Variants in SUPV3L1 observed in about 807,000 individuals in gnomAD.
SUPV3L1 encodes the protein ATP-dependent RNA helicase SUPV3L1, mitochondrial.
SUPV3L1 carries 35 observed loss-of-function variants against 70.0 expected under a neutral mutation model. The ratio of observed to expected loss-of-function variants is 0.50; its 90% confidence interval spans 0.38 to 0.66. The LOEUF (loss-of-function observed/expected upper bound fraction) is 0.66, where lower values mean the gene tolerates loss of function less well. Among genes scored for constraint, SUPV3L1 ranks in the 30% least tolerant of loss-of-function variants. The probability of loss-of-function intolerance (pLI) is 0.00; values close to 1 mark genes in which losing one functional copy is unlikely to be tolerated. For synonymous variants in SUPV3L1, 364 were observed against 341.9 expected (o/e 1.06, Z -0.71); for missense variants, 777 against 961.5 (o/e 0.81, Z 2.54).
Position 69,191,767 on chromosome 10 carries a change from G to A in SUPV3L1, c.853+1G>A, listed in dbSNP as rs745573670. On this transcript the variant is annotated splice_donor_variant, in intron 6 of 14. Coordinates refer to ENST00000359655, the MANE Select transcript of SUPV3L1 (RefSeq NM_003171.5). LOFTEE classifies it high-confidence loss of function. ...GAGATGTGCAGTGTTACAACTCCTT[G>A]TATGTATATGCTGTTTAAGAAACTA... 1 of 1,598,010 alleles carries A rather than the reference G, an allele frequency of 6.3e-7. No individual in the cohort carries two copies. The highest frequency in any genetic ancestry group is 1.1e-5 in the South Asian group (1 of 90,376).
At chr10:69,207,648 A>C in intron 13 of SUPV3L1, 145 bp from the exon 14 acceptor site, 1 of 924,910 alleles carries the variant, frequency 1.1e-6, no homozygotes, top group Non-Finnish European at 1.6e-6. Context: ...TAAAATGTAG[A>C]AGAGTATAAA....
At chr10:69,203,994 G>C (rs1373276109) in intron 13 of SUPV3L1, among the ~76,000 whole-genome samples, 1 of 151,972 alleles carries the variant, frequency 6.6e-6, no homozygotes, top group African/African-American at 2.4e-5. Context: ...CAAAGTGCTG[G>C]GATTACAGGC....
In SUPV3L1 at chr10:69,180,545, C is replaced by T. The variant is rs773629662; in HGVS notation, c.254C>T (p.Thr85Ile). 1.2e-6 allele frequency: 2 copies of T among 1,614,100 alleles called. No individual in the cohort carries two copies. The highest frequency in any genetic ancestry group is 1.7e-6 in the Non-Finnish European group (2 of 1,180,036). ...SADGDVGAEL[T>I]RPLDKNEVKK... Reference sequence around the variant, plus strand: ...GACGGCGACGTCGGGGCCGAGCTAACCCGGCCTCTGGACAAGAGTGAGTGC... The same window carrying T: ...GACGGCGACGTCGGGGCCGAGCTAATCCGGCCTCTGGACAAGAGTGAGTGC... The change falls in exon 1 of 15, where the codon ACC (threonine) becomes ATC (isoleucine). Residue 85 changes from threonine (T) to isoleucine (I), a missense_variant. By Grantham distance (89) the Thr-to-Ile change is moderately conservative. Transcript: ENST00000359655.
chr10:69,191,605 G>T (rs372333484), intron 5 of SUPV3L1, 50 bp from the exon 6 acceptor site: 1 of 1,507,366 alleles, frequency 6.6e-7, no homozygotes, highest in Non-Finnish European at 9.2e-7. Context: ...TATCCAAAAC[G>T]TATTTTTGCA....
intron 6 of SUPV3L1, 83 bp downstream of exon 6, chr10:69,191,849 C>G (rs1670028579): frequency 1.9e-6 from 2 of 1,048,892 alleles, no homozygotes; most frequent in African/African-American, 3.2e-5. Flanking sequence ...CTCTGTTGTC[C>G]AGGCTGGAAT....
chr10:69,199,035 A>G, intron 9 of SUPV3L1, 69 bp from the exon 10 acceptor site: 1 of 1,226,848 alleles, frequency 8.2e-7, no homozygotes, highest in Non-Finnish European at 1.2e-6. Flanking sequence ...GAGGGTTTCC[A>G]AGATGTACTT....
At chr10:69,206,559 G>A (rs1227229546) in intron 13 of SUPV3L1, among the ~76,000 whole-genome samples, 2 of 152,222 alleles carry the variant, frequency 1.3e-5, no homozygotes, top group Non-Finnish European at 2.9e-5. Context: ...GCAGTGTCTT[G>A]TGGTTCAAGA....
At chr10:69,193,293 T>A (rs1842446309) in intron 6 of SUPV3L1, 1 of 152,164 alleles carries the variant, frequency 6.6e-6, no homozygotes, top group African/African-American at 2.4e-5. Context: ...GCTTGCTTTT[T>A]TTCATTTTAA....
chr10:69,184,281 C>G (rs1842151202), intron 1 of SUPV3L1, among the ~76,000 whole-genome samples: 2 of 152,118 alleles, frequency 1.3e-5, no homozygotes, highest in Non-Finnish European at 2.9e-5. Context: ...GTAATCCCAG[C>G]ACTTTGGGAG....
At chr10:69,208,443 G>T (rs4746821) in intron 14 of SUPV3L1, among the ~76,000 whole-genome samples, 157 bp from the exon 15 acceptor site, 33,478 of 152,206 alleles carry the variant, frequency 0.22, 4,610 homozygotes, top group Non-Finnish European at 0.31. Flanking sequence ...CCTCCGATAT[G>T]TGGGGGCAGA....
intron 10 of SUPV3L1, 114 bp from the exon 11 acceptor site, chr10:69,200,166 G>T: frequency 1.3e-6 from 1 of 778,750 alleles, no homozygotes; most frequent in Non-Finnish European, 2.0e-6. Context: ...TTTGTAAGTG[G>T]CAGTCAAGGT....
chr10:69,200,316 GCCC>G lies in SUPV3L1; in HGVS notation c.1336_1338del (p.Pro446del). 1 of 1,614,014 alleles carries G rather than the reference GCCC, an allele frequency of 6.2e-7. No individual in the cohort carries two copies. The highest frequency in any genetic ancestry group is 8.5e-7 in the Non-Finnish European group (1 of 1,179,996). The stretch of plus-strand genomic sequence containing the variant: ...GAATTATTTTTTACTCCCTTATAAA[GCCC>G]AGTATCAATGAAAAGGGAGAGAGAG... On this transcript the variant is annotated inframe_deletion, in exon 11 of 15. Coordinates refer to ENST00000359655, the MANE Select transcript of SUPV3L1 (RefSeq NM_003171.5).
intron 2 of SUPV3L1, 137 bp from the exon 3 acceptor site, chr10:69,186,306 A>G: frequency 1.4e-6 from 1 of 739,854 alleles, no homozygotes; most frequent in Non-Finnish European, 2.2e-6. Context: ...CCCAGATCAT[A>G]ATAAACCAGC....
Position 69,208,809 on chromosome 10 carries a change from G to A in SUPV3L1, c.2135G>A (p.Gly712Asp). The change falls in exon 15 of 15, where the codon GGC (glycine) becomes GAC (aspartate). Residue 712 changes from glycine (G) to aspartate (D), a missense_variant. Coordinates refer to ENST00000359655, the MANE Select transcript of SUPV3L1 (RefSeq NM_003171.5). ...AAGAGCCAAGCTAGAAGGACACGCG[G>A]CACCAAAGCTCTAGGGAGTAAAGCT... is the stretch of plus-strand genomic sequence containing the variant. ...TLKSQARRTR[G>D]TKALGSKATE... 2 of 1,614,162 alleles carry A rather than the reference G, an allele frequency of 1.2e-6. No individual in the cohort carries two copies. Among genetic ancestry groups the A allele is most frequent in the East Asian group, 2.2e-5 (1 of 44,880 alleles).
intron 13 of SUPV3L1, among the ~76,000 whole-genome samples, chr10:69,206,645 C>T (rs374833450): frequency 2.0e-5 from 3 of 152,302 alleles, no homozygotes; most frequent in African/African-American, 7.2e-5. Context: ...CCACACAGCT[C>T]GCAGGAGGCA....
chr10:69,199,879 C>T (rs1842639722), intron 10 of SUPV3L1, among the ~76,000 whole-genome samples: 1 of 152,172 alleles, frequency 6.6e-6, no homozygotes, highest in African/African-American at 2.4e-5. Context: ...GAGTCTCACT[C>T]TGTGCCCCAC....
intron 2 of SUPV3L1, 78 bp downstream of exon 2, chr10:69,186,142 A>C (rs1842222339): frequency 7.9e-7 from 1 of 1,261,688 alleles, no homozygotes; most frequent in Non-Finnish European, 1.1e-6. Context: ...ACGACCCCTC[A>C]TGTGACCTGG....
Position 69,202,454 on chromosome 10 carries a change from C to G in SUPV3L1, c.1534C>G (p.Pro512Ala). ...VDPIRAAGLH[P>A]TAEQIEMFAY... is the part of the protein sequence containing the mutation. ...TTACTAAAAGGCAGCTGGTCTTCAT[C>G]CAACTGCTGAGCAGATTGAAATGTT... Residue 512 changes from proline (P) to alanine (A), a missense_variant, in exon 12 of 15, where the codon CCA becomes GCA. Physicochemically the swap from Pro to Ala is conservative, Grantham distance 27. This residue lies in a region of SUPV3L1 where 619 missense variants were observed against 823.3 expected (regional missense o/e 0.75). Transcript: ENST00000359655. 1 of 1,611,372 alleles carries G rather than the reference C, an allele frequency of 6.2e-7. No individual in the cohort carries two copies. Among genetic ancestry groups the G allele is most frequent in the Non-Finnish European group, 8.5e-7 (1 of 1,178,348 alleles).
chr10:69,207,385 G>A (rs1254396711), intron 13 of SUPV3L1, among the ~76,000 whole-genome samples: 3 of 152,066 alleles, frequency 2.0e-5, no homozygotes, highest in Non-Finnish European at 2.9e-5. Context: ...CGATCATGGC[G>A]CACTGCAGCC....
Sources: gnomAD v4.1 joint callset for allele counts (sites outside exome capture counted in the v4.1 genomes callset) on GRCh38, gnomAD v4.1.1 for gene constraint, gnomAD v4.1.1 regional missense constraint, MANE v1.5 for transcripts, NCBI Gene and HGNC (gene_info 2026-07-23, HGNC 2026-07-21) for gene names.